The following ZNF860 variants were observed in gnomAD, a reference collection of about 807,000 sequenced individuals.
ZNF860 encodes zinc finger protein 860.
For synonymous variants in ZNF860, 206 were observed against 248.9 expected (o/e 0.83, Z 1.62); for missense variants, 641 against 759.2 (o/e 0.84, Z 1.83).
the ZNF860 span, among the ~76,000 whole-genome samples, chr3:32,000,208 A>C: frequency 6.6e-6 from 1 of 152,172 alleles, no homozygotes; most frequent in Admixed American, 6.5e-5. Flanking sequence ...TGCTCTCGCC[A>C]CATAATTTCA....
rs1386330855 is a variant in ZNF860, at chr3:31,989,881, A to C, written c.802A>C (p.Asn268His). ...ATGTGATGTATGTGGCAAGGTCTTT[A>C]ATCAGAAGCGATACCTTGCATGCCA... Reference protein sequence around the residue: ...YKCDVCGKVFNQKRYLACHHR... With the variant: ...YKCDVCGKVFHQKRYLACHHR... Residue 268 changes from asparagine (N) to histidine (H), a missense_variant, in exon 2 of 2, where the codon AAT (asparagine) becomes CAT (histidine). Coordinates refer to ENST00000360311, the MANE Select transcript of ZNF860 (RefSeq NM_001137674.3). 5 of 1,614,082 alleles carry C rather than the reference A, an allele frequency of 3.1e-6. No individual in the cohort carries two copies. The highest frequency in any genetic ancestry group is 1.3e-5 in the African/African-American group (1 of 74,930).
rs375987596 is a variant in ZNF860, at chr3:31,990,553, C to T, written c.1474C>T (p.Arg492Cys). The T allele has an allele frequency of 6.2e-6, 10 of 1,604,204 alleles. No homozygotes were observed. The highest frequency in any genetic ancestry group is 2.8e-5 in the African/African-American group (2 of 72,656). ...YKCNECGKTFRHNSALVIHKA... is the reference protein window; with the variant it reads ...YKCNECGKTFCHNSALVIHKA... Reference sequence around the variant, plus strand: ...GTGTAATGAGTGTGGCAAGACCTTCCGTCACAATTCAGCCCTTGTAATTCA... The same window carrying T: ...GTGTAATGAGTGTGGCAAGACCTTCTGTCACAATTCAGCCCTTGTAATTCA... Residue 492 changes from arginine to cysteine, a missense_variant, in exon 2 of 2, where the codon CGT becomes TGT. Coordinates refer to ENST00000360311, the MANE Select transcript of ZNF860 (RefSeq NM_001137674.3).
chr3:31,998,076 C>T, the ZNF860 span, among the ~76,000 whole-genome samples: 13 of 152,260 alleles, frequency 8.5e-5, no homozygotes, highest in African/African-American at 2.6e-4. Context: ...TGTGAGCAGC[C>T]GTGCCCAGCT....
chr3:31,989,766 T>A lies in ZNF860; in HGVS notation c.687T>A (p.Ser229=), dbSNP rs769957770. The A allele has an allele frequency of 6.2e-7, 1 of 1,614,216 alleles. No homozygotes were observed. The highest frequency in any genetic ancestry group is 8.5e-7 in the Non-Finnish European group (1 of 1,180,020). Residue 229 remains serine (S), a synonymous_variant, in exon 2 of 2, where the codon TCT becomes TCA. Coordinates refer to ENST00000360311, the MANE Select transcript of ZNF860 (RefSeq NM_001137674.3). Reference sequence around the variant, plus strand: ...AGGAAGTACACATAAGAGAAAAATCTTTCCAATGTAATGAGAGTGGCAAAG... The same window carrying A: ...AGGAAGTACACATAAGAGAAAAATCATTCCAATGTAATGAGAGTGGCAAAG... ...LKQEVHIREK[S]FQCNESGKAF... is the part of the protein sequence containing the mutation.
At chr3:32,004,774 T>C in the ZNF860 span, among the ~76,000 whole-genome samples, 2 of 152,218 alleles carry the variant, frequency 1.3e-5, no homozygotes, top group South Asian at 2.1e-4. Context: ...TGCAGGTGTA[T>C]GGCTTAGCCT....
downstream of ZNF860, among the ~76,000 whole-genome samples, chr3:31,996,329 A>G (rs558773451): frequency 2.6e-4 from 40 of 152,228 alleles, no homozygotes; most frequent in Admixed American, 1.5e-3. Context: ...ACAACCTGCT[A>G]GAGAGGACTT....
At chr3:32,000,713 A>T in the ZNF860 span, among the ~76,000 whole-genome samples, 1 of 152,110 alleles carries the variant, frequency 6.6e-6, no homozygotes, top group Non-Finnish European at 1.5e-5. Context: ...GGTAGGTTAC[A>T]CTTCAGTTTC....
intron 1 of ZNF860, chr3:31,986,499 A>T (rs1317076505): frequency 6.6e-6 from 1 of 152,250 alleles, no homozygotes; most frequent in Non-Finnish European, 1.5e-5. Context: ...TAATCCCAGC[A>T]CTTTGGGAGG....
At position 31,989,672 on chromosome 3, in the gene ZNF860, G is replaced by C. The variant is rs576427985; in HGVS notation, c.593G>C (p.Arg198Thr). Residue 198 changes from arginine (R) to threonine (T), a missense_variant, in exon 2 of 2, where the codon AGG (arginine) becomes ACG (threonine). Physicochemically the swap from Arg to Thr is moderately conservative, Grantham distance 71 (BLOSUM62 -1). Transcript: ENST00000360311. ...CTAACGTCCCAAAGAATTTCTTCTAGGCCCAAAATCCATATTTCTAATAAC... is the reference window on the plus strand; with the variant it reads ...CTAACGTCCCAAAGAATTTCTTCTACGCCCAAAATCCATATTTCTAATAAC... ...SVLTSQRISS[R>T]PKIHISNNYE... is the part of the protein sequence containing the mutation. The C allele has an allele frequency of 1.2e-6, 2 of 1,614,002 alleles. No individual in the cohort carries two copies. Among genetic ancestry groups the C allele is most frequent in the African/African-American group, 2.7e-5 (2 of 75,012 alleles).
chr3:32,002,933 C>T, the ZNF860 span, among the ~76,000 whole-genome samples: 1 of 152,190 alleles, frequency 6.6e-6, no homozygotes, highest in Non-Finnish European at 1.5e-5. Flanking sequence ...CAGGTCATTA[C>T]AACACAGTGG....
Position 31,989,153 on chromosome 3 carries a change from C to CTT in ZNF860, c.77_78dup (p.Arg27LeufsTer6), listed in dbSNP as rs1419768690. On this transcript the variant is annotated frameshift_variant, in exon 2 of 2. Coordinates refer to ENST00000360311, the MANE Select transcript of ZNF860 (RefSeq NM_001137674.3). LOFTEE classifies it low-confidence loss of function (END_TRUNC). ...ATGGCTCTTCCTCAGGGACACTTGACTTTTAGGGATGTGGCTATAGAATTC... is the reference window on the plus strand; with the variant it reads ...ATGGCTCTTCCTCAGGGACACTTGACTTTTTTAGGGATGTGGCTATAGAATTC... 5.6e-6 allele frequency: 9 copies of CTT among 1,614,014 alleles called. No homozygotes were observed. The highest frequency in any genetic ancestry group is 7.6e-6 in the Non-Finnish European group (9 of 1,180,046).
At chr3:31,987,002 A>G (rs1446317575) in intron 1 of ZNF860, among the ~76,000 whole-genome samples, 1 of 152,080 alleles carries the variant, frequency 6.6e-6, no homozygotes, top group Non-Finnish European at 1.5e-5. Flanking sequence ...GCAAGACCCT[A>G]TCTCAAAAAA....
chr3:32,001,371 AAAT>A, the ZNF860 span, among the ~76,000 whole-genome samples: 1 of 152,180 alleles, frequency 6.6e-6, no homozygotes. Flanking sequence ...TCTATCAATA[AAAT>A]AATAATCATA....
the ZNF860 span, among the ~76,000 whole-genome samples, chr3:31,999,658 GC>G: frequency 6.6e-6 from 1 of 152,046 alleles, no homozygotes; most frequent in Non-Finnish European, 1.5e-5. Flanking sequence ...ACCGTGCCCG[GC>G]CTCAAAATCA....
the ZNF860 span, among the ~76,000 whole-genome samples, chr3:32,002,478 T>C: frequency 6.6e-6 from 1 of 152,198 alleles, no homozygotes; most frequent in African/African-American, 2.4e-5. Flanking sequence ...TTTTAAGTCC[T>C]GGACTATGAA....
downstream of ZNF860, among the ~76,000 whole-genome samples, chr3:31,991,865 A>T (rs981099638): frequency 5.3e-5 from 4 of 74,870 alleles, no homozygotes; most frequent in African/African-American, 1.4e-4. Flanking sequence ...AGACAGGCTA[A>T]AAAAAAAAAA....
the ZNF860 span, among the ~76,000 whole-genome samples, chr3:32,001,784 C>A: frequency 4.0e-5 from 6 of 151,828 alleles, no homozygotes; most frequent in African/African-American, 1.5e-4. Flanking sequence ...AATGTGCACA[C>A]CCCTTTGGAA....
chr3:31,982,599 G>C (rs1041589719), intron 1 of ZNF860, among the ~76,000 whole-genome samples: 1 of 151,840 alleles, frequency 6.6e-6, no homozygotes, highest in Non-Finnish European at 1.5e-5. Flanking sequence ...GAGTTGAAGA[G>C]AAGTGGTTGT....
In ZNF860 at chr3:31,990,053, G is replaced by C; in HGVS notation, c.974G>C (p.Arg325Pro). 6.2e-7 allele frequency: 1 copy of C among 1,613,878 alleles called. No homozygotes were observed. ...KCEECDKVFS[R>P]KSNLERHRRI... Reference sequence around the variant, plus strand: ...GAAGAATGTGACAAAGTTTTTAGTCGCAAATCAAATCTTGAAAGACATAGG... The same window carrying C: ...GAAGAATGTGACAAAGTTTTTAGTCCCAAATCAAATCTTGAAAGACATAGG... The change falls in exon 2 of 2, where the codon CGC becomes CCC. Residue 325 changes from arginine (R) to proline (P), a missense_variant. Physicochemically the swap from Arg to Pro is moderately radical, Grantham distance 103. Transcript: ENST00000360311.
Sources: gnomAD v4.1 joint callset for allele counts (sites outside exome capture counted in the v4.1 genomes callset) on GRCh38, gnomAD v4.1.1 for gene constraint, MANE v1.5 for transcripts, NCBI Gene and HGNC (gene_info 2026-07-23, HGNC 2026-07-21) for gene names.